The following ANKS1B variants were observed in gnomAD, a reference collection of about 807,000 sequenced individuals.
ANKS1B encodes the protein ankyrin repeat and sterile alpha motif domain containing 1B, also known as ankyrin repeat and sterile alpha motif domain-containing protein 1B.
A neutral mutation model predicts 148.3 loss-of-function variants in ANKS1B; 36 were observed. The ratio of observed to expected loss-of-function variants is 0.24; its 90% CI spans 0.19 to 0.32. ANKS1B has a LOEUF of 0.32. Ranked by LOEUF, ANKS1B falls within the 10% of genes least tolerant of loss-of-function variation. The pLI, the probability that ANKS1B is intolerant of heterozygous loss-of-function variation, is 1.00. For synonymous variants in ANKS1B, 542 were observed against 560.8 expected, an observed-to-expected ratio of 0.97 and a Z score of 0.47; for missense variants, 1,157 against 1,542.6, an observed-to-expected ratio of 0.75 and a Z score of 4.19.
chr12:99,399,399 C>G (rs2094342510), intron 12 of ANKS1B, among the ~76,000 whole-genome samples: 1 of 152,088 alleles, frequency 6.6e-6, no homozygotes, highest in East Asian at 1.9e-4. Context: ...ATTTTTACTA[C>G]TATAATCACA....
intron 16 of ANKS1B, among the ~76,000 whole-genome samples, chr12:99,071,662 T>C (rs2153588589): frequency 6.6e-6 from 1 of 152,138 alleles, no homozygotes; most frequent in East Asian, 1.9e-4. Context: ...TTTTTTTGTT[T>C]TTTGAGATGG....
At chr12:99,054,845 C>A (rs1319530897) in intron 16 of ANKS1B, among the ~76,000 whole-genome samples, 2 of 152,182 alleles carry the variant, frequency 1.3e-5, no homozygotes, top group African/African-American at 2.4e-5. Flanking sequence ...CTGCTCCTGG[C>A]CTAAATGTTC....
chr12:99,279,068 AG>A (rs886119194), intron 12 of ANKS1B, among the ~76,000 whole-genome samples: 2 of 152,104 alleles, frequency 1.3e-5, no homozygotes, highest in African/African-American at 4.8e-5. Context: ...GAAATGGTGT[AG>A]GCCCTCACCA....
chr12:99,652,631 T>G (rs931098644), intron 9 of ANKS1B, among the ~76,000 whole-genome samples: 4 of 152,170 alleles, frequency 2.6e-5, no homozygotes, highest in African/African-American at 9.7e-5. Context: ...ATAGAGATAC[T>G]TTTTAAACTC....
At chr12:99,659,623 G>A (rs946043785) in intron 8 of ANKS1B, among the ~76,000 whole-genome samples, 3 of 151,584 alleles carry the variant, frequency 2.0e-5, no homozygotes, top group African/African-American at 7.3e-5. Context: ...TCCCTGTGAG[G>A]CAGTGTGTGT....
At position 99,269,857 on chromosome 12, in the gene ANKS1B, C is replaced by A. The variant is rs143613918; in HGVS notation, c.1757-22993G>T. Among the ~76,000 whole-genome samples the A allele has an allele frequency of 1.5e-3, 235 of 152,288 alleles. 5 individuals are homozygous for A. The East Asian group carries it at 0.038, about 25-fold the overall frequency. On this transcript the variant is annotated intron_variant, in intron 12 of 26. Coordinates refer to ENST00000683438, the MANE Select transcript of ANKS1B (RefSeq NM_001352186.2). Reference sequence around the variant, plus strand: ...TACAGGCGTGAGCCACTGCACCCGGCCGACTTGCTCATTATTTTTAAAAGC... The same window carrying A: ...TACAGGCGTGAGCCACTGCACCCGGACGACTTGCTCATTATTTTTAAAAGC...
intron 16 of ANKS1B, among the ~76,000 whole-genome samples, chr12:99,067,484 T>A (rs1430846604): frequency 3.3e-5 from 5 of 152,158 alleles, no homozygotes; most frequent in Non-Finnish European, 5.9e-5. Context: ...GCACTTTTGG[T>A]AGGTCCTGGT....
intron 1 of ANKS1B, among the ~76,000 whole-genome samples, chr12:99,831,912 C>T (rs2084074309): frequency 6.6e-6 from 1 of 152,134 alleles, no homozygotes; most frequent in Non-Finnish European, 1.5e-5. Flanking sequence ...AGGATATTAA[C>T]AGGCAATTCA....
chr12:99,859,193 G>C (rs1168208775), intron 1 of ANKS1B, among the ~76,000 whole-genome samples: 1 of 152,204 alleles, frequency 6.6e-6, no homozygotes, highest in African/African-American at 2.4e-5. Flanking sequence ...GTGAACATAG[G>C]AGAGAAGTTG....
At chr12:99,936,225 C>A (rs542204906) in intron 1 of ANKS1B, among the ~76,000 whole-genome samples, 1 of 152,260 alleles carries the variant, frequency 6.6e-6, no homozygotes, top group South Asian at 2.1e-4. Flanking sequence ...TGGGAGCCAT[C>A]CTAGAATTCT....
chr12:99,556,562 G>C lies in ANKS1B; in HGVS notation c.1273-51921C>G, dbSNP rs141671907. 5.3e-5 allele frequency among the ~76,000 whole-genome samples: 8 copies of C among 152,090 alleles called. No individual in the cohort carries two copies. In the East Asian group the frequency reaches 1.4e-3, roughly 26 times the overall value. On this transcript the variant is annotated intron_variant, in intron 9 of 26. Transcript: ENST00000683438. ...GTTATTAATTTGAAATCTTTCTAAC[G>C]TTTTGATGTGGGCATTTAGTGCTAT...
intron 9 of ANKS1B, among the ~76,000 whole-genome samples, chr12:99,520,626 A>T (rs1367732567): frequency 6.6e-6 from 1 of 152,030 alleles, no homozygotes; most frequent in Non-Finnish European, 1.5e-5. Context: ...TAGATTTGGG[A>T]AGTTCTCCAG....
intron 12 of ANKS1B, among the ~76,000 whole-genome samples, chr12:99,326,706 T>C (rs1206768775): frequency 1.3e-5 from 2 of 151,772 alleles, no homozygotes. Flanking sequence ...TACTTTTATA[T>C]TTTAATTTTT....
chr12:99,373,735 C>G (rs2093261276), intron 12 of ANKS1B, among the ~76,000 whole-genome samples: 1 of 151,868 alleles, frequency 6.6e-6, no homozygotes, highest in African/African-American at 2.4e-5. Flanking sequence ...TGCAATCTTA[C>G]AAGCTTAACT....
chr12:99,763,929 C>A (rs889855846), intron 8 of ANKS1B, among the ~76,000 whole-genome samples: 2 of 152,046 alleles, frequency 1.3e-5, no homozygotes, highest in Non-Finnish European at 2.9e-5. Flanking sequence ...AAGATCCTAG[C>A]GATATATTGT....
intron 17 of ANKS1B, among the ~76,000 whole-genome samples, chr12:99,019,860 T>G (rs957996569): frequency 2.0e-5 from 3 of 152,164 alleles, no homozygotes; most frequent in African/African-American, 7.2e-5. Context: ...TATTTAAAAG[T>G]GTTGAACTGT....
chr12:99,028,249 A>G (rs2099949926), intron 17 of ANKS1B, among the ~76,000 whole-genome samples: 1 of 152,208 alleles, frequency 6.6e-6, no homozygotes, highest in Non-Finnish European at 1.5e-5. Context: ...TCCTCCTGCA[A>G]TTGTGCAAGC....
chr12:99,887,694 G>A (rs2092901289), intron 1 of ANKS1B, among the ~76,000 whole-genome samples: 1 of 152,172 alleles, frequency 6.6e-6, no homozygotes, highest in African/African-American at 2.4e-5. Flanking sequence ...CTAGTACGAG[G>A]TTAAATAATA....
intron 14 of ANKS1B, among the ~76,000 whole-genome samples, chr12:99,177,970 C>T (rs937738112): frequency 5.3e-5 from 8 of 152,260 alleles, no homozygotes; most frequent in South Asian, 2.1e-4. Context: ...TTAAGTGGCA[C>T]GTGTTCACTG....
Sources: allele counts gnomAD v4.1 joint callset (sites outside exome capture counted in the v4.1 genomes callset), GRCh38; gene constraint gnomAD v4.1.1; transcripts MANE v1.5; gene names NCBI Gene and HGNC (gene_info 2026-07-23, HGNC 2026-07-21).